Variants in GNL2 observed in about 807,000 individuals in gnomAD.
GNL2 encodes G protein nucleolar 2, also known as nucleolar GTP-binding protein 2.
A neutral mutation model predicts 92.3 loss-of-function variants in GNL2; 51 were observed. The ratio of observed to expected loss-of-function variants is 0.55; its 90% CI spans 0.44 to 0.70. The LOEUF is 0.70. Among genes scored for constraint, GNL2 ranks in the 30% least tolerant of loss-of-function variants. The pLI is 0.00. For synonymous variants in GNL2, 283 were observed against 300.6 expected, an observed-to-expected ratio of 0.94 and a Z score of 0.61; for missense variants, 844 against 895.6, an observed-to-expected ratio of 0.94 and a Z score of 0.74.
chr1:37,581,803 T>A (rs1390558553), intron 8 of GNL2, among the ~76,000 whole-genome samples: 3 of 152,172 alleles, frequency 2.0e-5, no homozygotes, highest in Admixed American at 2.0e-4. Flanking sequence ...TAGCTGGGAC[T>A]ACAGGCGTGT....
At chr1:37,577,319 A>C (rs1469145851) in intron 8 of GNL2, among the ~76,000 whole-genome samples, 3 of 152,128 alleles carry the variant, frequency 2.0e-5, no homozygotes, top group Admixed American at 2.0e-4. Context: ...GCAACCTTGA[A>C]AGTTACGACT....
At position 37,568,593 on chromosome 1, in the gene GNL2, A is replaced by G. The variant is rs1245150188; in HGVS notation, c.1869-236T>C. Among the ~76,000 whole-genome samples, 6 of 152,254 alleles carry G rather than the reference A, an allele frequency of 3.9e-5. No homozygotes were observed. In the East Asian group the frequency reaches 7.7e-4, roughly 20 times the overall value. The stretch of plus-strand genomic sequence containing the variant: ...TACAGTTCACTTTTTAAAAATGGCA[A>G]TAACAGCCAAGTGTGGTGGTGCACA... On this transcript the variant is annotated intron_variant, in intron 13 of 15. Coordinates refer to ENST00000373062, the MANE Select transcript of GNL2 (RefSeq NM_013285.3).
intron 8 of GNL2, chr1:37,581,307 A>C (rs1175480483): frequency 6.6e-6 from 3 of 453,680 alleles, no homozygotes; most frequent in Non-Finnish European, 1.3e-5. Flanking sequence ...GCCAGGTAGA[A>C]TTAACTAAAT....
chr1:37,576,849 C>T (rs546584860), intron 8 of GNL2, among the ~76,000 whole-genome samples: 16 of 152,182 alleles, frequency 1.1e-4, no homozygotes, highest in African/African-American at 1.4e-4. Flanking sequence ...CAGTGGCTCA[C>T]GCCTGTAATC....
rs202151123 is a variant in GNL2 at position 37,568,810 on chromosome 1, G to T, written c.1868+41C>A. On this transcript the variant is annotated intron_variant, in intron 13 of 15. Transcript: ENST00000373062. ...GTACTCATGGCAAATTTTTGGGAAA[G>T]GAATGAAAATCTGCAATTTGTGAGA... The T allele has an allele frequency of 5.8e-5, 86 of 1,488,442 alleles. No individual in the cohort carries two copies. The East Asian group carries it at 1.9e-3, about 33-fold the overall frequency. The allele number at this position is 1,488,442 out of a possible 1,614,324, so 92.2% of individuals were successfully genotyped here. A position where few individuals can be genotyped will look rare whatever the true frequency, so the allele number is the denominator to read the frequency against.
chr1:37,593,105 T>G (rs1643897836), intron 2 of GNL2, among the ~76,000 whole-genome samples: 3 of 152,226 alleles, frequency 2.0e-5, no homozygotes, highest in Admixed American at 2.0e-4. Flanking sequence ...ATACTTGAGT[T>G]TTTTGGGTAA....
intron 12 of GNL2, chr1:37,570,206 T>C (rs1643572272): frequency 6.6e-6 from 1 of 152,190 alleles, no homozygotes; most frequent in Non-Finnish European, 1.5e-5. Flanking sequence ...ATGAATGGAC[T>C]AATGGATCTC....
At chr1:37,571,157 G>A (rs1643588456) in intron 12 of GNL2, among the ~76,000 whole-genome samples, 1 of 152,178 alleles carries the variant, frequency 6.6e-6, no homozygotes, top group African/African-American at 2.4e-5. Context: ...GAGTGAAACT[G>A]CCTCCAAAGG....
In GNL2 at chr1:37,595,823, C is replaced by T. The variant is rs776461145; in HGVS notation, c.-1G>A. ...GTCCTTTGTACTTGGGCTTCACCATCTTGGCGACGAGACCGGGACCGGAGT... is the reference window on the plus strand; with the variant it reads ...GTCCTTTGTACTTGGGCTTCACCATTTTGGCGACGAGACCGGGACCGGAGT... On this transcript the variant is annotated 5_prime_UTR_variant, in exon 1 of 16. Coordinates refer to ENST00000373062, the MANE Select transcript of GNL2 (RefSeq NM_013285.3). 9.9e-6 allele frequency: 16 copies of T among 1,614,044 alleles called. No individual in the cohort carries two copies. Among genetic ancestry groups the T allele is most frequent in the Non-Finnish European group, 1.3e-5 (15 of 1,179,976 alleles).
chr1:37,576,718 G>C (rs1250830146), intron 8 of GNL2, among the ~76,000 whole-genome samples, 162 bp from the exon 9 acceptor site: 1 of 152,164 alleles, frequency 6.6e-6, no homozygotes, highest in African/African-American at 2.4e-5. Flanking sequence ...TGAGTAAGCT[G>C]GATACATATG....
intron 14 of GNL2, 68 bp downstream of exon 14, chr1:37,568,207 G>A (rs924169643): frequency 6.3e-5 from 61 of 964,800 alleles, no homozygotes; most frequent in Non-Finnish European, 9.9e-5. Context: ...TTTGGAGACT[G>A]AACTTAGGTT....
chr1:37,570,668 G>C (rs1021317532), intron 12 of GNL2: 1 of 152,174 alleles, frequency 6.6e-6, no homozygotes, highest in Non-Finnish European at 1.5e-5. Flanking sequence ...CCAGCCTCCA[G>C]AAACATGAGC....
chr1:37,572,982 G>A (rs896798641), intron 12 of GNL2, among the ~76,000 whole-genome samples: 6 of 152,164 alleles, frequency 3.9e-5, no homozygotes, highest in African/African-American at 1.4e-4. Context: ...ACACTCCCCT[G>A]CTGGAATATA....
intron 15 of GNL2, among the ~76,000 whole-genome samples, chr1:37,567,307 T>C (rs1414574655): frequency 6.6e-6 from 1 of 151,972 alleles, no homozygotes; most frequent in African/African-American, 2.4e-5. Context: ...TGCTAACCAC[T>C]CCCCTCCCCA....
chr1:37,595,630 A>C, intron 1 of GNL2, 129 bp downstream of exon 1: 1 of 779,442 alleles, frequency 1.3e-6, no homozygotes, highest in Non-Finnish European at 2.2e-6. Context: ...TTCATCCCCA[A>C]CAGCCACCCC....
chr1:37,587,395 G>C lies in GNL2; in HGVS notation c.485C>G (p.Ser162Cys), dbSNP rs972856599. The C allele has an allele frequency of 3.7e-6, 6 of 1,612,836 alleles. No homozygotes were observed. The highest frequency in any genetic ancestry group is 3.3e-5 in the South Asian group (3 of 91,056). The change falls in exon 5 of 16, where the codon TCT (serine) becomes TGT (cysteine). Residue 162 changes from serine (S) to cysteine (C), a missense_variant. Coordinates refer to ENST00000373062, the MANE Select transcript of GNL2 (RefSeq NM_013285.3). ...RPNLFASDMQSLIENAEMSTE... is the reference protein window; with the variant it reads ...RPNLFASDMQCLIENAEMSTE... ...GGACATTTCAGCATTTTCGATAAGA[G>C]ACTGCATATCACTTGCAAATAAGTT... is the stretch of plus-strand genomic sequence containing the variant.
intron 4 of GNL2, among the ~76,000 whole-genome samples, chr1:37,590,348 T>C (rs923402851): frequency 1.3e-5 from 2 of 152,214 alleles, no homozygotes; most frequent in African/African-American, 4.8e-5. Context: ...CCTCAGGTGA[T>C]CCGCCTGCCT....
chr1:37,583,879 A>C lies in GNL2; in HGVS notation c.624T>G (p.Gly208=). Reference sequence around the variant, plus strand: ...TTAGGAGTCTTACCTTGTAGAGCTCACCCCATATTCTTTTGGACTGTCCCT... The same window carrying C: ...TTAGGAGTCTTACCTTGTAGAGCTCCCCCCATATTCTTTTGGACTGTCCCT... ...YKKGQSKRIW[G]ELYKVIDSSD... is the part of the protein sequence containing the mutation. Residue 208 remains glycine (G), a synonymous_variant, in exon 6 of 16, where the codon GGT becomes GGG. Coordinates refer to ENST00000373062, the MANE Select transcript of GNL2 (RefSeq NM_013285.3). The C allele has an allele frequency of 6.4e-7, 1 of 1,569,898 alleles. No homozygotes were observed. The highest frequency in any genetic ancestry group is 1.1e-5 in the South Asian group (1 of 90,312).
Position 37,574,861 on chromosome 1 carries a change from G to C in GNL2, c.1144-38C>G, listed in dbSNP as rs777838940. On this transcript the variant is annotated intron_variant, in intron 10 of 15. Coordinates refer to ENST00000373062, the MANE Select transcript of GNL2 (RefSeq NM_013285.3). ...AGGAAATCTCTCACTTACAAACTTT[G>C]TTGTGGAAGCAGTGAAGTTCCCAGT... is the stretch of plus-strand genomic sequence containing the variant. 12 of 1,503,812 alleles carry C rather than the reference G, an allele frequency of 8.0e-6. 1 individual carries two copies. The South Asian group carries it at 1.3e-4, about 16-fold the overall frequency. 93.2% of individuals were successfully genotyped at this position (1,503,812 alleles called of 1,614,324 possible). A position where few individuals can be genotyped will look rare whatever the true frequency, so the allele number is the denominator to read the frequency against.
Sources: allele counts gnomAD v4.1 joint callset (sites outside exome capture counted in the v4.1 genomes callset), GRCh38; gene constraint gnomAD v4.1.1; transcripts MANE v1.5; gene names NCBI Gene and HGNC (gene_info 2026-07-23, HGNC 2026-07-21).